RSPO4: variants seen among roughly 807,000 people sequenced by gnomAD.
RSPO4 encodes the protein R-spondin-4.
Under a neutral mutation model 24.8 loss-of-function variants are expected in RSPO4, and 23 were observed. That is an observed-to-expected ratio of 0.93 (90% CI 0.67 to 1.31). The LOEUF (loss-of-function observed/expected upper bound fraction) is 1.31, where lower values mean the gene tolerates loss of function less well. Among genes scored for constraint, RSPO4 ranks in the 40% most tolerant of loss-of-function variants. The pLI is 0.00. For missense variants in RSPO4, 333 were observed against 316.5 expected (o/e 1.05, Z -0.39); for synonymous variants, 141 against 127.4 (o/e 1.11, Z -0.72).
At chr20:965,815 G>A (rs564642117) in intron 3 of RSPO4, among the ~76,000 whole-genome samples, 7 of 152,224 alleles carry the variant, frequency 4.6e-5, no homozygotes, top group Non-Finnish European at 1.0e-4. Context: ...CCACTGAAAT[G>A]TCATGTCCTT....
intron 1 of RSPO4, among the ~76,000 whole-genome samples, chr20:989,350 G>A (rs1985020505): frequency 6.6e-6 from 1 of 152,150 alleles, no homozygotes; most frequent in Non-Finnish European, 1.5e-5. Context: ...TGCAAAATAG[G>A]AATGATGATA....
intron 1 of RSPO4, 53 bp from the exon 2 acceptor site, chr20:968,191 A>G (rs998588789): frequency 1.9e-6 from 3 of 1,546,140 alleles, no homozygotes; most frequent in African/African-American, 2.7e-5. Flanking sequence ...GAGATGGTCA[A>G]ACCATATATG....
intron 1 of RSPO4, among the ~76,000 whole-genome samples, chr20:976,073 C>T (rs1232253633): frequency 3.3e-5 from 5 of 152,174 alleles, no homozygotes; most frequent in Non-Finnish European, 7.3e-5. Context: ...TGAGATCCCT[C>T]GTCTCTGTGG....
intron 4 of RSPO4, 127 bp downstream of exon 4, chr20:963,808 G>T: frequency 1.0e-6 from 1 of 956,792 alleles, no homozygotes; most frequent in Non-Finnish European, 1.7e-6. Context: ...TACTCCACAT[G>T]ATAGTATGGC....
intron 1 of RSPO4, among the ~76,000 whole-genome samples, chr20:978,901 C>T (rs1467129953): frequency 6.6e-6 from 1 of 152,106 alleles, no homozygotes. Context: ...GGTGCCAATA[C>T]AGGACACCTA....
chr20:993,776 G>A lies in RSPO4; in HGVS notation c.79+8310C>T, dbSNP rs77819443. On this transcript the variant is annotated intron_variant, in intron 1 of 4. Transcript: ENST00000217260. ...TTTATGACCTAGAAAAATGGCAACT[G>A]CATATACTTCAATGAATGTGCCTCT... Among the ~76,000 whole-genome samples, 26 of 152,294 alleles carry A rather than the reference G, an allele frequency of 1.7e-4. No individual in the cohort carries two copies. In the East Asian group the frequency reaches 2.3e-3, roughly 14 times the overall value.
chr20:989,438 C>A (rs1985024271), intron 1 of RSPO4, among the ~76,000 whole-genome samples: 1 of 152,222 alleles, frequency 6.6e-6, no homozygotes, highest in South Asian at 2.1e-4. Flanking sequence ...ATATGGCAAA[C>A]ACTCACCAGG....
intron 4 of RSPO4, among the ~76,000 whole-genome samples, chr20:961,812 C>T (rs892904554): frequency 2.0e-5 from 3 of 152,020 alleles, no homozygotes; most frequent in Non-Finnish European, 4.4e-5. Flanking sequence ...CACCTACACA[C>T]TCACCCACCT....
chr20:960,196 A>T lies in RSPO4; in HGVS notation c.*161T>A. The stretch of plus-strand genomic sequence containing the variant: ...AATAAAGGAAATAAAAAAGAAAAAG[A>T]AAGGGAAGGTAGACTGACAGAAAAA... On this transcript the variant is annotated 3_prime_UTR_variant, in exon 5 of 5. Transcript: ENST00000217260. 1.6e-6 allele frequency: 1 copy of T among 606,182 alleles called. No homozygotes were observed. Among genetic ancestry groups the T allele is most frequent in the Non-Finnish European group, 2.9e-6 (1 of 340,938 alleles). 37.6% of individuals were successfully genotyped at this position (606,182 alleles called of 1,614,324 possible).
At chr20:988,357 T>C (rs988415953) in intron 1 of RSPO4, among the ~76,000 whole-genome samples, 11 of 152,202 alleles carry the variant, frequency 7.2e-5, no homozygotes, top group African/African-American at 2.4e-4. Context: ...GAGTAGAAGC[T>C]GGGAGCTCAG....
intron 1 of RSPO4, among the ~76,000 whole-genome samples, chr20:983,853 G>A (rs6039392): frequency 0.043 from 6,539 of 152,144 alleles, 507 homozygotes; most frequent in African/African-American, 0.15. Flanking sequence ...CTGGTCTTGC[G>A]GACAAGGAAG....
At chr20:998,570 C>T (rs1985368229) in intron 1 of RSPO4, among the ~76,000 whole-genome samples, 1 of 152,184 alleles carries the variant, frequency 6.6e-6, no homozygotes, top group African/African-American at 2.4e-5. Flanking sequence ...AGGCCTCAAG[C>T]AGGCTCAGAG....
intron 3 of RSPO4, among the ~76,000 whole-genome samples, chr20:965,232 T>C (rs1600088660): frequency 1.4e-5 from 2 of 142,092 alleles, no homozygotes; most frequent in Non-Finnish European, 3.0e-5. Flanking sequence ...AGGAAACCCC[T>C]GGACTGGGTC....
At chr20:985,104 T>TATCC (rs1171710349) in intron 1 of RSPO4, among the ~76,000 whole-genome samples, 2 of 122,332 alleles carry the variant, frequency 1.6e-5, no homozygotes, top group Admixed American at 1.6e-4. Flanking sequence ...CCCACCCATC[T>TATCC]ATCCATCCAT....
At chr20:967,043 G>A (rs894992065) in intron 3 of RSPO4, 131 bp downstream of exon 3, 7 of 829,494 alleles carry the variant, frequency 8.4e-6, no homozygotes, top group Non-Finnish European at 1.1e-5. Context: ...ACCTGACATG[G>A]TGGTGCTGGG....
At chr20:973,404 A>G (rs1261658650) in intron 1 of RSPO4, among the ~76,000 whole-genome samples, 1 of 152,264 alleles carries the variant, frequency 6.6e-6, no homozygotes, top group Non-Finnish European at 1.5e-5. Flanking sequence ...GCCAACTGCA[A>G]AGAAGCCTCA....
intron 1 of RSPO4, among the ~76,000 whole-genome samples, chr20:984,919 A>C (rs1462507577): frequency 2.6e-5 from 3 of 113,810 alleles, no homozygotes; most frequent in Admixed American, 9.1e-5. Context: ...CCATCCATCC[A>C]TCCCCATCCA....
chr20:962,495 G>C (rs1036433521), intron 4 of RSPO4, among the ~76,000 whole-genome samples: 1 of 152,130 alleles, frequency 6.6e-6, no homozygotes, highest in Admixed American at 6.6e-5. Context: ...CCAGCTCTTG[G>C]AGCCATGAGA....
rs188117817 is a variant in RSPO4 at position 989,325 on chromosome 20, T to A, written c.79+12761A>T. Among the ~76,000 whole-genome samples the A allele has an allele frequency of 9.4e-4, 143 of 152,148 alleles. 1 individual carries two copies. The highest frequency in any genetic ancestry group is 9.2e-3 in the Admixed American group (140 of 15,282). On this transcript the variant is annotated intron_variant, in intron 1 of 4. Transcript: ENST00000217260. ...AGGAAGGCCCTTTGACCTCTCTGAG[T>A]CTCTGCACCTCTTCTGCAAAATAGG...
Sources: allele counts gnomAD v4.1 joint callset (sites outside exome capture counted in the v4.1 genomes callset), GRCh38; gene constraint gnomAD v4.1.1; transcripts MANE v1.5; gene names NCBI Gene and HGNC (gene_info 2026-07-23, HGNC 2026-07-21).